DENND2A: variants seen among roughly 807,000 people sequenced by gnomAD.
DENND2A encodes DENN domain containing 2A, also known as DENN domain-containing protein 2A.
In DENND2A, 53 loss-of-function variants were observed where a neutral mutation model predicts 105.3. The ratio of observed to expected loss-of-function variants is 0.50; its 90% CI spans 0.40 to 0.63. The LOEUF (loss-of-function observed/expected upper bound fraction) is 0.63, where lower values mean the gene tolerates loss of function less well. DENND2A is among the 30% of genes least tolerant of loss of function. The pLI is 0.00. For synonymous variants in DENND2A, 522 were observed against 508.4 expected (o/e 1.03, Z -0.36); for missense variants, 1,138 against 1,279.6 (o/e 0.89, Z 1.69).
At chr7:140,532,662 G>T (rs1796310319) in intron 14 of DENND2A, among the ~76,000 whole-genome samples, 1 of 152,076 alleles carries the variant, frequency 6.6e-6, no homozygotes, top group East Asian at 1.9e-4. Flanking sequence ...GGCAGAGTAG[G>T]GAGAGAAGGG....
At chr7:140,541,361 C>G (rs1796650407) in intron 14 of DENND2A, among the ~76,000 whole-genome samples, 1 of 152,068 alleles carries the variant, frequency 6.6e-6, no homozygotes, top group African/African-American at 2.4e-5. Context: ...AGGGTGGGTC[C>G]TCCCCAAGTC....
At chr7:140,562,609 C>T (rs1384520372) in intron 9 of DENND2A, among the ~76,000 whole-genome samples, 4 of 152,016 alleles carry the variant, frequency 2.6e-5, no homozygotes, top group Admixed American at 6.6e-5. Context: ...TTGCAGTGAG[C>T]GGAGATCATG....
intron 2 of DENND2A, among the ~76,000 whole-genome samples, chr7:140,605,467 G>A (rs7789086): frequency 0.014 from 2,130 of 152,242 alleles, 38 homozygotes; most frequent in African/African-American, 0.047. Flanking sequence ...TGGGGATAGG[G>A]CTAAAGTTAC....
At chr7:140,561,054 T>C (rs964492692) in intron 9 of DENND2A, among the ~76,000 whole-genome samples, 49 of 152,294 alleles carry the variant, frequency 3.2e-4, no homozygotes, top group African/African-American at 1.0e-3. Context: ...AAATATATAT[T>C]TTTTAGAGCC....
intron 17 of DENND2A, 69 bp from the exon 18 acceptor site, chr7:140,522,169 C>T: frequency 6.4e-7 from 1 of 1,571,638 alleles, no homozygotes; most frequent in South Asian, 1.2e-5. Flanking sequence ...TTGAGACAAG[C>T]CAATTGGTAA....
At chr7:140,545,067 G>T (rs1024511062) in intron 13 of DENND2A, among the ~76,000 whole-genome samples, 38 of 152,118 alleles carry the variant, frequency 2.5e-4, no homozygotes, top group African/African-American at 8.9e-4. Context: ...GGCCCCACAT[G>T]GTTGCGGGGC....
chr7:140,541,852 C>T (rs1796672571), intron 14 of DENND2A, among the ~76,000 whole-genome samples: 1 of 152,224 alleles, frequency 6.6e-6, no homozygotes, highest in African/African-American at 2.4e-5. Flanking sequence ...CAGATGGCTG[C>T]TGTCCAAAGA....
At chr7:140,573,316 G>C (rs2130610567) in intron 6 of DENND2A, among the ~76,000 whole-genome samples, 1 of 152,318 alleles carries the variant, frequency 6.6e-6, no homozygotes, top group Middle Eastern at 3.4e-3. Flanking sequence ...TGAGCAAAAG[G>C]AAATGTAACC....
At chr7:140,566,576 T>C (rs955600473) in intron 9 of DENND2A, among the ~76,000 whole-genome samples, 10 of 151,578 alleles carry the variant, frequency 6.6e-5, no homozygotes, top group Non-Finnish European at 1.5e-4. Flanking sequence ...TAGGCTAGGT[T>C]AGGAAGAGAT....
chr7:140,557,547 T>A lies in DENND2A; in HGVS notation c.1959+596A>T, dbSNP rs1585626103. On this transcript the variant is annotated intron_variant, in intron 11 of 19. Coordinates refer to ENST00000496613, the MANE Select transcript of DENND2A (RefSeq NM_015689.5). ...TATATATATATTTTTTTTTTTTTTT[T>A]TTTTTTTTTTGAGACGGAGTTTCGC... 5.9e-5 allele frequency among the ~76,000 whole-genome samples: 4 copies of A among 67,426 alleles called. 2 individuals are homozygous for A. Among genetic ancestry groups the A allele is most frequent in the African/African-American group, 1.6e-4 (4 of 25,676 alleles). 44.2% of individuals were successfully genotyped at this position (67,426 alleles called of 152,430 possible).
rs368228532 is a variant in DENND2A, at chr7:140,585,649, C to T, written c.1185G>A (p.Lys395=). The change falls in exon 5 of 20, where the codon AAG becomes AAA. Residue 395 remains lysine, a synonymous_variant. Transcript: ENST00000496613. ...AAGCAGGAAAATTCAAGACACACTTCTTTCCCAGGCAGCGACCATGTAACT... is the reference window on the plus strand; with the variant it reads ...AAGCAGGAAAATTCAAGACACACTTTTTTCCCAGGCAGCGACCATGTAACT... The part of the protein sequence containing the change: ...DIELHGRCLG[K]KCVLNFPASP... The T allele has an allele frequency of 8.1e-6, 13 of 1,614,192 alleles. No homozygotes were observed. The highest frequency in any genetic ancestry group is 5.3e-5 in the African/African-American group (4 of 75,050).
At chr7:140,564,696 C>A (rs1383760332) in intron 9 of DENND2A, among the ~76,000 whole-genome samples, 1 of 152,126 alleles carries the variant, frequency 6.6e-6, no homozygotes, top group Non-Finnish European at 1.5e-5. Flanking sequence ...GTGGGTGACT[C>A]CAGGCTGGAA....
rs1447246835 is a variant in DENND2A, at chr7:140,525,931, A to T, written c.2506-139T>A. On this transcript the variant is annotated intron_variant, in intron 15 of 19. Transcript: ENST00000496613. ...GGTGAGCCATTTGTGGTTTCCTGAC[A>T]TTGCCACGGTAGCCACAGGTAATGA... 8.7e-5 allele frequency: 52 copies of T among 598,714 alleles called. 1 individual carries two copies. In the East Asian group the frequency reaches 1.7e-3, roughly 19 times the overall value. The allele number at this position is 598,714 out of a possible 1,614,324, so 37.1% of individuals were successfully genotyped here. A position where few individuals can be genotyped will look rare whatever the true frequency, so the allele number is the denominator to read the frequency against.
chr7:140,526,061 C>T (rs1796043617), intron 15 of DENND2A, among the ~76,000 whole-genome samples: 1 of 152,182 alleles, frequency 6.6e-6, no homozygotes, highest in Non-Finnish European at 1.5e-5. Context: ...CTGGCTTTCA[C>T]ACTGGCTGAG....
chr7:140,543,308 G>GT (rs1036175159), intron 14 of DENND2A, among the ~76,000 whole-genome samples: 6 of 118,602 alleles, frequency 5.1e-5, no homozygotes, highest in Admixed American at 8.9e-5. Flanking sequence ...TTTTTTTTAC[G>GT]TTTTTTGTAG....
chr7:140,520,583 G>C (rs1307741826), intron 18 of DENND2A, among the ~76,000 whole-genome samples: 4 of 151,282 alleles, frequency 2.6e-5, no homozygotes, highest in African/African-American at 9.7e-5. Flanking sequence ...TTTTGAGATA[G>C]AGTTTCGCTG....
At position 140,531,065 on chromosome 7, in the gene DENND2A, ATCT is replaced by A. The variant is rs373850391; in HGVS notation, c.2328-3573_2328-3571del. 3.0e-4 allele frequency among the ~76,000 whole-genome samples: 46 copies of A among 152,306 alleles called. No individual in the cohort carries two copies. The East Asian group carries it at 8.1e-3, about 27-fold the overall frequency. ...TGACTTTCGAAGGATCTAGATCTAC[ATCT>A]TCTGTCAAAGCAGAGATACCTTTCC... is the stretch of plus-strand genomic sequence containing the variant. On this transcript the variant is annotated intron_variant, in intron 14 of 19. Transcript: ENST00000496613.
intron 16 of DENND2A, among the ~76,000 whole-genome samples, chr7:140,525,186 ACT>A (rs1796014054): frequency 1.2e-5 from 1 of 83,126 alleles, no homozygotes; most frequent in African/African-American, 4.9e-5. Context: ...ATGGGATCTC[ACT>A]CTGTCACCCA....
intron 10 of DENND2A, among the ~76,000 whole-genome samples, chr7:140,558,884 C>G (rs529345520): frequency 6.7e-6 from 1 of 148,736 alleles, no homozygotes; most frequent in South Asian, 2.1e-4. Context: ...CTCACCACAA[C>G]CTCTGCCGCC....
Sources: allele counts gnomAD v4.1 joint callset (sites outside exome capture counted in the v4.1 genomes callset), GRCh38; gene constraint gnomAD v4.1.1; transcripts MANE v1.5; gene names NCBI Gene and HGNC (gene_info 2026-07-23, HGNC 2026-07-21).